Variants in NAALADL2 observed in about 807,000 individuals in gnomAD.
NAALADL2 encodes inactive N-acetylated-alpha-linked acidic dipeptidase-like protein 2.
A neutral mutation model predicts 87.2 loss-of-function variants in NAALADL2; 76 were observed. The ratio of observed to expected loss-of-function variants is 0.87; its 90% confidence interval spans 0.72 to 1.05. The LOEUF is 1.05. NAALADL2 is among the 50% of genes least tolerant of loss of function. NAALADL2 has a pLI of 0.00. For missense variants in NAALADL2, 1,089 were observed against 945.8 expected (o/e 1.15, Z -1.99); for synonymous variants, 354 against 331.0 (o/e 1.07, Z -0.75).
chr3:175,068,807 G>A (rs1715020974), intron 1 of NAALADL2, among the ~76,000 whole-genome samples: 1 of 152,064 alleles, frequency 6.6e-6, no homozygotes. Flanking sequence ...CGCAACATTT[G>A]CAATCAGAAT....
intron 11 of NAALADL2, among the ~76,000 whole-genome samples, chr3:175,652,701 A>G (rs1268629376): frequency 6.6e-6 from 1 of 151,938 alleles, no homozygotes; most frequent in Non-Finnish European, 1.5e-5. Context: ...GATGGTCTCG[A>G]TCTCCTGACC....
chr3:175,255,393 C>T (rs1291793925), intron 3 of NAALADL2, among the ~76,000 whole-genome samples: 2 of 152,006 alleles, frequency 1.3e-5, no homozygotes, highest in East Asian at 1.9e-4. Flanking sequence ...TAGTTTCAAT[C>T]GAGAAGGATG....
At chr3:174,846,557 T>C (rs539055766) in intron 3 of NAALADL2, among the ~76,000 whole-genome samples, 91 of 152,354 alleles carry the variant, frequency 6.0e-4, no homozygotes, top group African/African-American at 2.1e-3. Context: ...AGGATACTTT[T>C]GTCAATCCCA....
intron 9 of NAALADL2, among the ~76,000 whole-genome samples, chr3:175,477,719 A>C (rs113903566): frequency 0.018 from 2,717 of 152,248 alleles, 32 homozygotes; most frequent in Non-Finnish European, 0.026. Context: ...AAAAATGTGG[A>C]AAACAATGTG....
intron 1 of NAALADL2, among the ~76,000 whole-genome samples, chr3:174,934,091 T>C (rs1737307888): frequency 6.6e-6 from 1 of 152,176 alleles, no homozygotes; most frequent in South Asian, 2.1e-4. Flanking sequence ...ACACACAAGT[T>C]TGGAACAATG....
chr3:175,283,981 A>AT (rs898606319), intron 4 of NAALADL2, among the ~76,000 whole-genome samples: 3 of 151,932 alleles, frequency 2.0e-5, no homozygotes, highest in Non-Finnish European at 2.9e-5. Context: ...ACAGGAAAAA[A>AT]AATAATTTAA....
intron 9 of NAALADL2, among the ~76,000 whole-genome samples, chr3:175,545,073 C>A (rs1713066490): frequency 1.3e-5 from 2 of 152,078 alleles, no homozygotes; most frequent in South Asian, 2.1e-4. Flanking sequence ...ATTGTCCATA[C>A]CCATTTAGAT....
chr3:174,860,676 C>T (rs933954937), intron 1 of NAALADL2, among the ~76,000 whole-genome samples: 5 of 152,084 alleles, frequency 3.3e-5, no homozygotes, highest in African/African-American at 9.7e-5. Context: ...TGTGTGGGTG[C>T]ATCACCTGTC....
chr3:175,415,074 T>C (rs1714330951), intron 5 of NAALADL2, among the ~76,000 whole-genome samples: 1 of 152,220 alleles, frequency 6.6e-6, no homozygotes, highest in South Asian at 2.1e-4. Flanking sequence ...TGTCTATATA[T>C]CTGAGTAAAT....
intron 1 of NAALADL2, among the ~76,000 whole-genome samples, chr3:174,457,859 GC>G (rs1715947912): frequency 6.6e-6 from 1 of 151,982 alleles, no homozygotes. Context: ...GAACATAGAG[GC>G]CTTTATCTTT....
chr3:175,567,251 T>C (rs1717298178), intron 9 of NAALADL2, among the ~76,000 whole-genome samples: 4 of 152,166 alleles, frequency 2.6e-5, no homozygotes, highest in Admixed American at 2.6e-4. Context: ...TTGTGACTAT[T>C]GGTGAGGGAT....
chr3:175,767,672 A>G (rs1188304080), intron 13 of NAALADL2: 1 of 152,150 alleles, frequency 6.6e-6, no homozygotes, highest in African/African-American at 2.4e-5. Context: ...ATAAATAAAA[A>G]ATGTATATAT....
At chr3:175,643,965 G>A (rs1457621282) in intron 11 of NAALADL2, among the ~76,000 whole-genome samples, 5 of 152,036 alleles carry the variant, frequency 3.3e-5, no homozygotes, top group East Asian at 3.9e-4. Flanking sequence ...ATTTCATTTC[G>A]TTTTGTTCTT....
At chr3:174,898,385 GTAA>G (rs1453313629) in intron 1 of NAALADL2, among the ~76,000 whole-genome samples, 2 of 151,198 alleles carry the variant, frequency 1.3e-5, no homozygotes, top group Admixed American at 6.6e-5. Flanking sequence ...TAATAGATAA[GTAA>G]TAATAAATAA....
At chr3:175,097,377 G>A (rs1252852753) in intron 2 of NAALADL2, 86 bp downstream of exon 2, 97 of 1,251,936 alleles carry the variant, frequency 7.7e-5, no homozygotes, top group Non-Finnish European at 1.0e-4. Context: ...GATTTTTCAT[G>A]GTTCACGTCA....
intron 13 of NAALADL2, among the ~76,000 whole-genome samples, chr3:175,782,061 T>C (rs1254859090): frequency 2.0e-5 from 3 of 150,960 alleles, no homozygotes; most frequent in Non-Finnish European, 4.5e-5. Flanking sequence ...CTGCATAGTA[T>C]TCCATGGTGT....
Position 175,708,592 on chromosome 3 carries a change from G to A in NAALADL2, c.1897-28714G>A, listed in dbSNP as rs1262868825. Reference sequence around the variant, plus strand: ...GGAGATTATTTCTGACTGGTAACATGAACTAGGATGAGAAAAAAAAAAACA... The same window carrying A: ...GGAGATTATTTCTGACTGGTAACATAAACTAGGATGAGAAAAAAAAAAACA... On this transcript the variant is annotated intron_variant, in intron 11 of 13. Transcript: ENST00000454872. 5.4e-5 allele frequency among the ~76,000 whole-genome samples: 8 copies of A among 147,256 alleles called. No homozygotes were observed. In the East Asian group the frequency reaches 1.4e-3, roughly 25 times the overall value.
intron 3 of NAALADL2, among the ~76,000 whole-genome samples, chr3:174,790,402 C>T (rs1303268702): frequency 6.6e-6 from 1 of 152,078 alleles, no homozygotes; most frequent in African/African-American, 2.4e-5. Context: ...ATAATCCTAG[C>T]ACTTTGGGAG....
chr3:174,755,864 C>A (rs762299614), intron 3 of NAALADL2, among the ~76,000 whole-genome samples: 19 of 152,206 alleles, frequency 1.2e-4, no homozygotes, highest in Non-Finnish European at 2.5e-4. Context: ...ACTTGCTAAT[C>A]GGTTCCCAAT....
Sources: gnomAD v4.1 joint callset for allele counts (sites outside exome capture counted in the v4.1 genomes callset) on GRCh38, gnomAD v4.1.1 for gene constraint, MANE v1.5 for transcripts, NCBI Gene and HGNC (gene_info 2026-07-23, HGNC 2026-07-21) for gene names.